The following RBMS3 variants were observed in gnomAD, a reference collection of about 807,000 sequenced individuals.
The protein encoded by RBMS3 is RNA-binding motif, single-stranded-interacting protein 3.
RBMS3 carries 27 observed loss-of-function variants against 66.8 expected under a neutral mutation model. That is an observed-to-expected ratio of 0.40 (90% CI 0.30 to 0.56). RBMS3 has a LOEUF of 0.56. Ranked by LOEUF, RBMS3 falls within the 20% of genes least tolerant of loss-of-function variation. The pLI is 0.40. For missense variants in RBMS3, 513 were observed against 549.5 expected, an observed-to-expected ratio of 0.93 and a Z score of 0.66; for synonymous variants, 188 against 183.0, an observed-to-expected ratio of 1.03 and a Z score of -0.22.
At chr3:29,431,431 T>C (rs2041193923) in intron 1 of RBMS3, among the ~76,000 whole-genome samples, 1 of 151,826 alleles carries the variant, frequency 6.6e-6, no homozygotes, top group Admixed American at 6.6e-5. Flanking sequence ...TAGCTGGGAT[T>C]ATAGGCACAT....
At chr3:29,701,253 G>A (rs1174169014) in intron 4 of RBMS3, among the ~76,000 whole-genome samples, 1 of 151,886 alleles carries the variant, frequency 6.6e-6, no homozygotes, top group African/African-American at 2.4e-5. Flanking sequence ...CTCCAGCCTG[G>A]GCAATAAGAG....
chr3:29,450,752 C>CA (rs933368683), intron 2 of RBMS3, among the ~76,000 whole-genome samples: 1 of 151,908 alleles, frequency 6.6e-6, no homozygotes, highest in Non-Finnish European at 1.5e-5. Context: ...AACAAACAAA[C>CA]AAAAAATAGC....
chr3:29,859,695 T>C, intron 6 of RBMS3, among the ~76,000 whole-genome samples: 1 of 152,206 alleles, frequency 6.6e-6, no homozygotes, highest in East Asian at 1.9e-4. Context: ...CTAAACAGGA[T>C]GCTAAGAGTC....
chr3:29,314,753 T>C (rs191821690), intron 1 of RBMS3, among the ~76,000 whole-genome samples: 249 of 151,880 alleles, frequency 1.6e-3, no homozygotes, highest in African/African-American at 5.8e-3. Context: ...TGTGTCCCAA[T>C]TTGGGTCATA....
chr3:29,926,347 CT>C (rs1228182434), intron 10 of RBMS3, among the ~76,000 whole-genome samples: 2 of 152,116 alleles, frequency 1.3e-5, no homozygotes, highest in African/African-American at 2.4e-5. Flanking sequence ...GAAAAATATT[CT>C]CTGAGGGACC....
intron 4 of RBMS3, among the ~76,000 whole-genome samples, chr3:29,721,387 A>AT (rs1316440717): frequency 7.9e-5 from 12 of 152,202 alleles, no homozygotes; most frequent in Admixed American, 6.5e-4. Flanking sequence ...TTAAATATGT[A>AT]TTTTTTTCTT....
At chr3:29,816,311 GACAC>G (rs66518208) in intron 6 of RBMS3, among the ~76,000 whole-genome samples, 5,788 of 68,904 alleles carry the variant, frequency 0.084, 173 homozygotes, top group East Asian at 0.21. Flanking sequence ...GACACACACA[GACAC>G]ACACACACAC....
intron 1 of RBMS3, among the ~76,000 whole-genome samples, chr3:29,414,185 A>G (rs954172205): frequency 9.2e-5 from 14 of 152,250 alleles, no homozygotes; most frequent in African/African-American, 2.4e-5. Context: ...ACATTCGATA[A>G]CAAAGCTTGT....
intron 5 of RBMS3, among the ~76,000 whole-genome samples, chr3:29,750,972 C>T (rs1052456181): frequency 6.6e-6 from 1 of 152,102 alleles, no homozygotes; most frequent in Non-Finnish European, 1.5e-5. Context: ...ATGTTTAAAA[C>T]TCATGATCAA....
chr3:29,316,233 A>T (rs1193563594), intron 1 of RBMS3, among the ~76,000 whole-genome samples: 4 of 151,662 alleles, frequency 2.6e-5, no homozygotes, highest in Non-Finnish European at 5.9e-5. Flanking sequence ...CACCCAACCA[A>T]ACTCTACAAT....
chr3:29,722,705 T>A (rs1246475326), intron 4 of RBMS3, among the ~76,000 whole-genome samples: 1 of 152,100 alleles, frequency 6.6e-6, no homozygotes, highest in Non-Finnish European at 1.5e-5. Context: ...ATGTAGAGCA[T>A]CCCTACCTTA....
rs1012503521 is a variant in RBMS3, at chr3:30,000,590, G to A, written c.1308-3266G>A. On this transcript the variant is annotated intron_variant, in intron 14 of 14. Coordinates refer to ENST00000383767, the MANE Select transcript of RBMS3 (RefSeq NM_001003793.3). ...TTCTACTATAAAGACACATGCCCAC[G>A]AATGTTTACTGTGGCACTGTTCACA... is the stretch of plus-strand genomic sequence containing the variant. Among the ~76,000 whole-genome samples the A allele has an allele frequency of 3.9e-5, 6 of 152,158 alleles. 1 individual carries two copies. The highest frequency in any genetic ancestry group is 1.9e-4 in the East Asian group (1 of 5,164).
At chr3:29,382,009 T>C (rs553509022) in intron 1 of RBMS3, among the ~76,000 whole-genome samples, 2 of 152,318 alleles carry the variant, frequency 1.3e-5, no homozygotes, top group African/African-American at 4.8e-5. Context: ...ATCAGGAAAC[T>C]TCTGATGAAA....
At chr3:29,778,437 T>A (rs1045521064) in intron 6 of RBMS3, among the ~76,000 whole-genome samples, 2 of 151,768 alleles carry the variant, frequency 1.3e-5, no homozygotes, top group African/African-American at 4.8e-5. Flanking sequence ...AACTTTTTTT[T>A]TTTTTTGTGC....
At chr3:29,723,697 T>C (rs2053741105) in intron 4 of RBMS3, among the ~76,000 whole-genome samples, 1 of 152,108 alleles carries the variant, frequency 6.6e-6, no homozygotes, top group Admixed American at 6.6e-5. Context: ...TAGTGATTCA[T>C]TGAGGTGGAG....
At chr3:29,792,188 T>C (rs890399562) in intron 6 of RBMS3, among the ~76,000 whole-genome samples, 4 of 152,186 alleles carry the variant, frequency 2.6e-5, no homozygotes, top group African/African-American at 9.6e-5. Flanking sequence ...AAAAGTGACA[T>C]AGGGTTAAAA....
chr3:29,527,196 A>T (rs2045158488), intron 3 of RBMS3, among the ~76,000 whole-genome samples: 1 of 150,262 alleles, frequency 6.7e-6, no homozygotes, highest in African/African-American at 2.4e-5. Flanking sequence ...AAAAAAAAAA[A>T]AAAAAAAAAA....
intron 4 of RBMS3, among the ~76,000 whole-genome samples, chr3:29,653,717 A>T (rs2050221452): frequency 6.6e-6 from 1 of 152,116 alleles, no homozygotes; most frequent in Non-Finnish European, 1.5e-5. Context: ...TTTTTCACCA[A>T]ATCAGCCCTA....
At chr3:29,968,080 C>T (rs1284011409) in intron 12 of RBMS3, among the ~76,000 whole-genome samples, 1 of 152,114 alleles carries the variant, frequency 6.6e-6, no homozygotes, top group Non-Finnish European at 1.5e-5. Flanking sequence ...TGTGCTATTT[C>T]AGACTCTTTG....
Sources: gnomAD v4.1 joint callset for allele counts (sites outside exome capture counted in the v4.1 genomes callset) on GRCh38, gnomAD v4.1.1 for gene constraint, MANE v1.5 for transcripts, NCBI Gene and HGNC (gene_info 2026-07-23, HGNC 2026-07-21) for gene names.